Variants in PDE1A observed in about 807,000 individuals in gnomAD.
PDE1A encodes the protein phosphodiesterase 1A, also known as dual specificity calcium/calmodulin-dependent 3',5'-cyclic nucleotide phosphodiesterase 1A.
In PDE1A, 35 loss-of-function variants were observed where a neutral mutation model predicts 61.7. The observed-to-expected ratio is 0.57, with a 90% CI of 0.43 to 0.75. PDE1A has a LOEUF of 0.75. Among genes scored for constraint, PDE1A ranks in the 30% least tolerant of loss-of-function variants. The pLI is 0.00. For missense variants in PDE1A, 597 were observed against 630.6 expected, an observed-to-expected ratio of 0.95 and a Z score of 0.57; for synonymous variants, 232 against 213.2, an observed-to-expected ratio of 1.09 and a Z score of -0.77.
chr2:182,696,893 A>G, the PDE1A span, among the ~76,000 whole-genome samples: 678 of 152,360 alleles, frequency 4.4e-3, 4 homozygotes, highest in African/African-American at 0.016. Context: ...TTGAAATCAT[A>G]TAACTATATA....
the PDE1A span, among the ~76,000 whole-genome samples, chr2:182,535,458 G>T: frequency 0.74 from 113,156 of 151,900 alleles, 44,392 homozygotes; most frequent in East Asian, 0.99. Flanking sequence ...TTATGCTTTC[G>T]TATTTTTCCA....
At chr2:182,366,382 G>T (rs1699838585) in intron 1 of PDE1A, among the ~76,000 whole-genome samples, 1 of 151,990 alleles carries the variant, frequency 6.6e-6, no homozygotes, top group Admixed American at 6.6e-5. Context: ...TGACATTTCT[G>T]TTAGAGCTGG....
chr2:182,577,091 A>C, the PDE1A span, among the ~76,000 whole-genome samples: 1 of 152,100 alleles, frequency 6.6e-6, no homozygotes, highest in African/African-American at 2.4e-5. Context: ...AATGTAGTTT[A>C]ATTGATCATT....
chr2:182,249,340 A>C (rs532013611), intron 2 of PDE1A, among the ~76,000 whole-genome samples: 1 of 152,292 alleles, frequency 6.6e-6, no homozygotes, highest in South Asian at 2.1e-4. Flanking sequence ...AAATAAGGTA[A>C]AGGAACATAC....
chr2:182,575,896 G>T, the PDE1A span, among the ~76,000 whole-genome samples: 1 of 145,722 alleles, frequency 6.9e-6, no homozygotes, highest in South Asian at 2.1e-4. Context: ...TATATATAAA[G>T]TTAATACTAT....
chr2:182,485,451 C>CCT (rs1687956814), intron 2 of PDE1A, among the ~76,000 whole-genome samples: 1 of 151,946 alleles, frequency 6.6e-6, no homozygotes, highest in South Asian at 2.1e-4. Flanking sequence ...ATAATCTGTA[C>CCT]AACAAACCCC....
chr2:182,621,126 C>T, the PDE1A span, among the ~76,000 whole-genome samples: 4 of 152,256 alleles, frequency 2.6e-5, no homozygotes, highest in African/African-American at 4.8e-5. Flanking sequence ...TCTGACACTC[C>T]GCCACATCCC....
chr2:182,469,252 A>T (rs1686872981), intron 2 of PDE1A, among the ~76,000 whole-genome samples: 2 of 151,994 alleles, frequency 1.3e-5, no homozygotes, highest in Admixed American at 1.3e-4. Context: ...TCTGTTGTTT[A>T]GTGTAGCTAC....
intron 1 of PDE1A, among the ~76,000 whole-genome samples, chr2:182,386,217 TG>T (rs1209972399): frequency 3.9e-5 from 6 of 152,060 alleles, no homozygotes; most frequent in Admixed American, 1.3e-4. Context: ...CCCAGCCGCC[TG>T]CCTTGGCCTC....
intron 1 of PDE1A, among the ~76,000 whole-genome samples, chr2:182,383,566 G>C (rs927201879): frequency 2.0e-5 from 3 of 152,218 alleles, no homozygotes; most frequent in African/African-American, 7.2e-5. Context: ...CTAGTTGGAT[G>C]CAAGAAAATA....
the PDE1A span, among the ~76,000 whole-genome samples, chr2:182,537,973 G>A: frequency 1.1e-4 from 17 of 152,040 alleles, no homozygotes; most frequent in South Asian, 2.1e-4. Flanking sequence ...TTTGAGCTCC[G>A]ATTTATGTGT....
chr2:182,615,623 G>A, the PDE1A span, among the ~76,000 whole-genome samples: 2 of 152,220 alleles, frequency 1.3e-5, no homozygotes, highest in African/African-American at 2.4e-5. Context: ...GAATACCTAA[G>A]ACTGGGTAAT....
At chr2:182,305,279 T>C (rs187108624) in intron 1 of PDE1A, among the ~76,000 whole-genome samples, 1 of 152,108 alleles carries the variant, frequency 6.6e-6, no homozygotes, top group Admixed American at 6.6e-5. Flanking sequence ...TACCTCAACT[T>C]CCCCCGTTGT....
intron 2 of PDE1A, among the ~76,000 whole-genome samples, chr2:182,436,047 AGT>A (rs1427291662): frequency 4.6e-5 from 7 of 152,054 alleles, no homozygotes. Flanking sequence ...GACTTCCAAT[AGT>A]GTGTTTGGTA....
chr2:182,577,002 T>C, the PDE1A span, among the ~76,000 whole-genome samples: 1 of 152,220 alleles, frequency 6.6e-6, no homozygotes, highest in Non-Finnish European at 1.5e-5. Flanking sequence ...AGATATACGA[T>C]TTGCAAATAT....
chr2:182,689,202 A>C, the PDE1A span, among the ~76,000 whole-genome samples: 1 of 152,170 alleles, frequency 6.6e-6, no homozygotes, highest in Non-Finnish European at 1.5e-5. Flanking sequence ...CAAAACTGTC[A>C]AACCCAAATC....
At chr2:182,287,713 A>C (rs1694260221) in intron 1 of PDE1A, among the ~76,000 whole-genome samples, 1 of 152,004 alleles carries the variant, frequency 6.6e-6, no homozygotes, top group Non-Finnish European at 1.5e-5. Flanking sequence ...TAAGAAACAA[A>C]CTGGTCAAAT....
intron 1 of PDE1A, among the ~76,000 whole-genome samples, chr2:182,330,306 T>G (rs779480981): frequency 6.6e-6 from 1 of 151,464 alleles, no homozygotes; most frequent in Non-Finnish European, 1.5e-5. Context: ...ATCATGCCAT[T>G]TCACTCCAGC....
At chr2:182,389,607 G>C (rs146069073) in intron 1 of PDE1A, among the ~76,000 whole-genome samples, 82 of 152,284 alleles carry the variant, frequency 5.4e-4, no homozygotes, top group Middle Eastern at 3.4e-3. Context: ...ACAGCTGTTA[G>C]AAGAGCTACT....
Sources: gnomAD v4.1 joint callset for allele counts (sites outside exome capture counted in the v4.1 genomes callset) on GRCh38, gnomAD v4.1.1 for gene constraint, MANE v1.5 for transcripts, NCBI Gene and HGNC (gene_info 2026-07-23, HGNC 2026-07-21) for gene names.